The following CCDC88B variants were observed in gnomAD, a reference collection of about 807,000 sequenced individuals.
The protein encoded by CCDC88B is coiled-coil domain-containing protein 88B.
A neutral mutation model predicts 183.7 loss-of-function variants in CCDC88B; 138 were observed. The observed-to-expected ratio is 0.75, with a 90% CI of 0.65 to 0.87. The LOEUF (loss-of-function observed/expected upper bound fraction) is 0.87, where lower values mean the gene tolerates loss of function less well. Among genes scored for constraint, CCDC88B ranks in the 40% least tolerant of loss-of-function variants. The probability of loss-of-function intolerance (pLI) is 0.00; values close to 1 mark genes in which losing one functional copy is unlikely to be tolerated. For synonymous variants in CCDC88B, 835 were observed against 867.5 expected (o/e 0.96, Z 0.66); for missense variants, 1,822 against 1,965.6 (o/e 0.93, Z 1.38).
intron 14 of CCDC88B, 126 bp from the exon 15 acceptor site, chr11:64,349,205 A>C: frequency 8.6e-7 from 1 of 1,157,496 alleles, no homozygotes; most frequent in Non-Finnish European, 1.2e-6. Context: ...AGTAGAGCCC[A>C]AAGGCTTAAT....
chr11:64,355,515 C>G, intron 25 of CCDC88B, 45 bp from the exon 26 acceptor site: 1 of 1,608,962 alleles, frequency 6.2e-7, no homozygotes, highest in Non-Finnish European at 8.5e-7. Flanking sequence ...GCTCTGTCCA[C>G]TTCCGCACTG....
chr11:64,340,497 C>T (rs1168008343), intron 1 of CCDC88B, 110 bp from the exon 2 acceptor site: 7 of 1,487,492 alleles, frequency 4.7e-6, no homozygotes, highest in Admixed American at 2.2e-5. Context: ...GAAGAGGGGA[C>T]AGAGGCACTC....
intron 14 of CCDC88B, 146 bp from the exon 15 acceptor site, chr11:64,349,185 T>C: frequency 1.1e-6 from 1 of 938,336 alleles, no homozygotes; most frequent in Non-Finnish European, 1.6e-6. Context: ...TCCCATTTTA[T>C]AGATGGGGAA....
Position 64,354,187 on chromosome 11 carries a change from G to A in CCDC88B, c.4099+17G>A, listed in dbSNP as rs1591299677. The A allele has an allele frequency of 3.0e-6, 4 of 1,332,016 alleles. No individual in the cohort carries two copies. Among genetic ancestry groups the A allele is most frequent in the Non-Finnish European group, 3.9e-6 (4 of 1,035,060 alleles). 82.5% of individuals were successfully genotyped at this position (1,332,016 alleles called of 1,614,324 possible). A position where few individuals can be genotyped will look rare whatever the true frequency, so the allele number is the denominator to read the frequency against. ...ATGGGACAGGTGGGTCTGGGGGTCA[G>A]GTGGCCAGGATGGTCCCTGCCCCAC... On this transcript the variant is annotated intron_variant, in intron 24 of 26. Transcript: ENST00000356786.
chr11:64,341,226 A>G, intron 4 of CCDC88B, 44 bp from the exon 5 acceptor site: 2 of 1,613,130 alleles, frequency 1.2e-6, no homozygotes, highest in Non-Finnish European at 1.7e-6. Flanking sequence ...GCACTACTCT[A>G]CCTTCCCCGC....
chr11:64,344,370 C>T lies in CCDC88B; in HGVS notation c.1829C>T (p.Pro610Leu), dbSNP rs1261122148. 1 of 1,585,834 alleles carries T rather than the reference C, an allele frequency of 6.3e-7. No homozygotes were observed. The highest frequency in any genetic ancestry group is 8.6e-7 in the Non-Finnish European group (1 of 1,167,570). The part of the protein sequence containing the change: ...SPASVAPPQG[P>L]GTKIQAPQLL... ...GCCTCTGTGGCCCCACCTCAGGGTC[C>T]AGGGACCAAAATTCAGGCCCCGCAG... The change falls in exon 14 of 27, where the codon CCA becomes CTA. Residue 610 changes from proline to leucine, a missense_variant. By Grantham distance (98) the Pro-to-Leu change is moderately conservative (BLOSUM62 -3). Coordinates refer to ENST00000356786, the MANE Select transcript of CCDC88B (RefSeq NM_032251.6). The surrounding 1 kb of genome is among the most constrained non-coding windows in gnomAD (Gnocchi z 4.5).
Position 64,344,027 on chromosome 11 carries a change from C to G in CCDC88B, c.1486C>G (p.Pro496Ala). 1 of 1,569,298 alleles carries G rather than the reference C, an allele frequency of 6.4e-7. No individual in the cohort carries two copies. The highest frequency in any genetic ancestry group is 8.6e-7 in the Non-Finnish European group (1 of 1,156,480). The change falls in exon 14 of 27, where the codon CCT (proline) becomes GCT (alanine). Residue 496 changes from proline to alanine, a missense_variant. Coordinates refer to ENST00000356786, the MANE Select transcript of CCDC88B (RefSeq NM_032251.6). This position sits in a 1 kb window ranked among gnomAD's most constrained non-coding sequence, Gnocchi z 4.5. ...HPLLEAPRED[P>A]VLPVLEEAPQ... ...CCTGCTGGAGGCACCGAGAGAGGAC[C>G]CTGTTCTTCCAGTGCTGGAGGAGGC...
At position 64,351,526 on chromosome 11, in the gene CCDC88B, C is replaced by T. The variant is rs2036331790; in HGVS notation, c.3009C>T (p.His1003=). ...EKAALQGQLQ[H]LEGQLGSLQG... ...CAGCTTTGCAGGGGCAGCTGCAGCA[C>T]CTGGAGGGGCAGCTGGGGAGCCTGC... The change falls in exon 18 of 27, where the codon CAC becomes CAT. Residue 1003 remains histidine, a synonymous_variant. Transcript: ENST00000356786. The T allele has an allele frequency of 1.3e-6, 2 of 1,578,364 alleles. No homozygotes were observed. The highest frequency in any genetic ancestry group is 1.7e-6 in the Non-Finnish European group (2 of 1,170,078).
Position 64,355,591 on chromosome 11 carries a change from G to C in CCDC88B, c.4338G>C (p.Glu1446Asp). ...GPGVGWENSA[E>D]TLQEHETDAN... ...GTGTGGGATGGGAGAACTCCGCTGA[G>C]ACCCTGCAGGAACACGAAACAGATG... Residue 1446 changes from glutamate to aspartate, a missense_variant, in exon 26 of 27, where the codon GAG (glutamate) becomes GAC (aspartate). Transcript: ENST00000356786. 1 of 1,612,720 alleles carries C rather than the reference G, an allele frequency of 6.2e-7. No individual in the cohort carries two copies. Among genetic ancestry groups the C allele is most frequent in the Non-Finnish European group, 8.5e-7 (1 of 1,179,626 alleles).
In CCDC88B at chr11:64,344,108, A is replaced by T; in HGVS notation, c.1567A>T (p.Arg523Trp). The change falls in exon 14 of 27, where the codon AGG becomes TGG. Residue 523 changes from arginine to tryptophan, a missense_variant. By Grantham distance (101) the Arg-to-Trp change is moderately radical (BLOSUM62 -3). Transcript: ENST00000356786. This position sits in a 1 kb window ranked among gnomAD's most constrained non-coding sequence, Gnocchi z 4.5. ...CCCTCAGGGCTTGGTTCAGAAGGCAAGGGATGGAGGCCCCCAGGCCTTGGA... is the reference window on the plus strand; with the variant it reads ...CCCTCAGGGCTTGGTTCAGAAGGCATGGGATGGAGGCCCCCAGGCCTTGGA... ...HSPQGLVQKA[R>W]DGGPQALDLA... 6.2e-7 allele frequency: 1 copy of T among 1,613,052 alleles called. No homozygotes were observed. The highest frequency in any genetic ancestry group is 1.1e-5 in the South Asian group (1 of 91,044).
At position 64,344,251 on chromosome 11, in the gene CCDC88B, G is replaced by A; in HGVS notation, c.1710G>A (p.Gln570=). 1 of 1,613,718 alleles carries A rather than the reference G, an allele frequency of 6.2e-7. No homozygotes were observed. Among genetic ancestry groups the A allele is most frequent in the Non-Finnish European group, 8.5e-7 (1 of 1,179,964 alleles). ...SPLQAAAMDP[Q]ASDWSPQESG... is the part of the protein sequence containing the mutation. ...TTCAGGCAGCTGCCATGGACCCCCA[G>A]GCCTCAGACTGGTCCCCGCAAGAGT... The change falls in exon 14 of 27, where the codon CAG becomes CAA. Residue 570 remains glutamine (Q), a synonymous_variant. Transcript: ENST00000356786. The surrounding 1 kb of genome is among the most constrained non-coding windows in gnomAD (Gnocchi z 4.5).
In CCDC88B at chr11:64,340,628, G is replaced by C. The variant is rs753115217; in HGVS notation, c.82G>C (p.Val28Leu). 1.8e-5 allele frequency: 29 copies of C among 1,610,072 alleles called. No individual in the cohort carries two copies. The East Asian group carries it at 6.5e-4, about 36-fold the overall frequency. The change falls in exon 2 of 27, where the codon GTC (valine) becomes CTC (leucine). Residue 28 changes from valine (V) to leucine (L), a missense_variant. Physicochemically the swap from Val to Leu is conservative, Grantham distance 32. Transcript: ENST00000356786. ...ATWALGLAGL[V>L]GEAEDSEGEE... is the part of the protein sequence containing the mutation. ...ACAGGCGCTGGGACTGGCCGGGCTG[G>C]TCGGGGAGGCGGAGGACTCGGAGGG...
At position 64,341,410 on chromosome 11, in the gene CCDC88B, T is replaced by A. The variant is rs1383223173; in HGVS notation, c.448-11T>A. ...GATCCTGCACCAGCTCCCCTTCCTGTCTCCCCTCAGTGTGAGCACCGGGAA... is the reference window on the plus strand; with the variant it reads ...GATCCTGCACCAGCTCCCCTTCCTGACTCCCCTCAGTGTGAGCACCGGGAA... On this transcript the variant is annotated splice_polypyrimidine_tract_variant and intron_variant, in intron 5 of 26. Coordinates refer to ENST00000356786, the MANE Select transcript of CCDC88B (RefSeq NM_032251.6). The A allele has an allele frequency of 6.2e-7, 1 of 1,613,770 alleles. No individual in the cohort carries two copies. Among genetic ancestry groups the A allele is most frequent in the Admixed American group, 1.7e-5 (1 of 59,994 alleles).
chr11:64,354,301 C>A (rs551785866), intron 24 of CCDC88B, 131 bp downstream of exon 24: 91 of 694,362 alleles, frequency 1.3e-4, no homozygotes, highest in Non-Finnish European at 1.8e-4. Flanking sequence ...CCCCCCCTGC[C>A]CTGATGCCAC....
Position 64,349,476 on chromosome 11 carries a change from G to C in CCDC88B, c.2744+18G>C. 1 of 1,606,582 alleles carries C rather than the reference G, an allele frequency of 6.2e-7. No individual in the cohort carries two copies. Among genetic ancestry groups the C allele is most frequent in the East Asian group, 2.2e-5 (1 of 44,632 alleles). ...CACCAGAGGTGGGGACAGGGCTGAG[G>C]GGAAGAATGAGGGAGGCAGGGGTGT... is the stretch of plus-strand genomic sequence containing the variant. On this transcript the variant is annotated intron_variant, in intron 15 of 26. Coordinates refer to ENST00000356786, the MANE Select transcript of CCDC88B (RefSeq NM_032251.6).
At chr11:64,345,233 C>A in intron 14 of CCDC88B, 76 bp downstream of exon 14, 1 of 1,462,474 alleles carries the variant, frequency 6.8e-7, no homozygotes, top group South Asian at 1.3e-5. Flanking sequence ...ATTCCATCAG[C>A]AGCTGTTCAG....
At chr11:64,348,150 C>T (rs2135309499) in intron 14 of CCDC88B, among the ~76,000 whole-genome samples, 1 of 151,568 alleles carries the variant, frequency 6.6e-6, no homozygotes, top group South Asian at 2.1e-4. Flanking sequence ...CTAGAATGGA[C>T]CTGTTCCATG....
In CCDC88B at chr11:64,344,712, T is replaced by C; in HGVS notation, c.2171T>C (p.Val724Ala). 1 of 1,613,908 alleles carries C rather than the reference T, an allele frequency of 6.2e-7. No individual in the cohort carries two copies. Among genetic ancestry groups the C allele is most frequent in the South Asian group, 1.1e-5 (1 of 91,048 alleles). The stretch of plus-strand genomic sequence containing the variant: ...CCAGGGGAGAGCCTGGCCAGTGGTG[T>C]CGCAGAGCAGGAGGCCCTCAGGGAG... ...PIPGESLASG[V>A]AEQEALREEV... is the part of the protein sequence containing the mutation. Residue 724 changes from valine (V) to alanine (A), a missense_variant, in exon 14 of 27, where the codon GTC (valine) becomes GCC (alanine). Coordinates refer to ENST00000356786, the MANE Select transcript of CCDC88B (RefSeq NM_032251.6). The surrounding 1 kb of genome is among the most constrained non-coding windows in gnomAD (Gnocchi z 4.5).
At position 64,343,540 on chromosome 11, in the gene CCDC88B, C is replaced by G; in HGVS notation, c.1243C>G (p.Leu415Val). 3.9e-6 allele frequency: 6 copies of G among 1,551,950 alleles called. No homozygotes were observed. Among genetic ancestry groups the G allele is most frequent in the Non-Finnish European group, 5.2e-6 (6 of 1,147,112 alleles). Residue 415 changes from leucine to valine, a missense_variant, in exon 12 of 27, where the codon CTG becomes GTG. Coordinates refer to ENST00000356786, the MANE Select transcript of CCDC88B (RefSeq NM_032251.6). ...LDSLRHQVDQ[L>V]AEENVELELE... is the part of the protein sequence containing the mutation. ...CTCTCTGCGGCATCAGGTGGACCAG[C>G]TGGCTGAGGAGAATGTGGAGCTGGA...
Sources: allele counts gnomAD v4.1 joint callset (sites outside exome capture counted in the v4.1 genomes callset), GRCh38; gene constraint gnomAD v4.1.1; non-coding constraint Gnocchi (gnomAD v3.1); transcripts MANE v1.5; gene names NCBI Gene and HGNC (gene_info 2026-07-23, HGNC 2026-07-21).